Variants in EIF4B observed in about 807,000 individuals in gnomAD.
The protein encoded by EIF4B is eukaryotic translation initiation factor 4B.
EIF4B carries 8 observed loss-of-function variants against 79.3 expected under a neutral mutation model. That is an observed-to-expected ratio of 0.10 (90% CI 0.06 to 0.18). The LOEUF (loss-of-function observed/expected upper bound fraction) is 0.18. Ranked by LOEUF, EIF4B falls within the 10% of genes least tolerant of loss-of-function variation. The pLI is 1.00. For synonymous variants in EIF4B, 238 were observed against 274.7 expected (o/e 0.87, Z 1.32); for missense variants, 515 against 792.4 (o/e 0.65, Z 4.20).
At position 53,040,814 on chromosome 12, in the gene EIF4B, G is replaced by C. The variant is rs551286729; in HGVS notation, c.*591G>C. The C allele has an allele frequency of 6.6e-6, 1 of 152,106 alleles. No homozygotes were observed. The highest frequency in any genetic ancestry group is 1.9e-4 in the East Asian group (1 of 5,180). 9.4% of individuals were successfully genotyped at this position (152,106 alleles called of 1,614,324 possible). A position where few individuals can be genotyped will look rare whatever the true frequency, so the allele number is the denominator to read the frequency against. Reference sequence around the variant, plus strand: ...TTTTTTTTTTTTAACCCCCCAGGGGGGTAGTTGGGAGTGAGACTATAGGCC... The same window carrying C: ...TTTTTTTTTTTTAACCCCCCAGGGGCGTAGTTGGGAGTGAGACTATAGGCC... On this transcript the variant is annotated 3_prime_UTR_variant, in exon 15 of 15. Transcript: ENST00000262056.
chr12:53,039,103 GAAGT>G (rs1943587094), intron 12 of EIF4B, 131 bp from the exon 13 acceptor site: 2 of 609,076 alleles, frequency 3.3e-6, no homozygotes, highest in Admixed American at 6.3e-5. Context: ...CTTCAGGAAG[GAAGT>G]CTGGGTTGGG....
chr12:53,039,239 T>A lies in EIF4B; in HGVS notation c.1578T>A (p.Asp526Glu). 6.2e-7 allele frequency: 1 copy of A among 1,601,932 alleles called. No homozygotes were observed. Among genetic ancestry groups the A allele is most frequent in the Non-Finnish European group, 8.5e-7 (1 of 1,172,640 alleles). The change falls in exon 13 of 15, where the codon GAT (aspartate) becomes GAA (glutamate). Residue 526 changes from aspartate to glutamate, a missense_variant and splice_region_variant. Physicochemically the swap from Asp to Glu is conservative, Grantham distance 45. Transcript: ENST00000262056. ...QPSEEGPGRK[D>E]ENKVDGMNAP... ...TTGTTTACATTACTGCCCAAGCAGA[T>A]GAAAATAAAGTAGATGGGATGAATG...
chr12:53,016,483 G>A lies in EIF4B; in HGVS notation c.24G>A (p.Lys8=). Residue 8 remains lysine, a synonymous_variant, in exon 2 of 15, where the codon AAG becomes AAA. Coordinates refer to ENST00000262056, the MANE Select transcript of EIF4B (RefSeq NM_001417.7). MAASAKK[K]NKKGKTISLT... ...TGCCTTTTAAAACAGCAAAAAAGAA[G>A]AATAAGAAGGGGAAGACTATCTCCC... 1.2e-6 allele frequency: 2 copies of A among 1,612,262 alleles called. No homozygotes were observed. The highest frequency in any genetic ancestry group is 8.5e-7 in the Non-Finnish European group (1 of 1,179,820).
intron 2 of EIF4B, among the ~76,000 whole-genome samples, chr12:53,017,368 G>A (rs1027834938): frequency 3.3e-5 from 5 of 152,076 alleles, no homozygotes; most frequent in East Asian, 1.9e-4. Flanking sequence ...TTGGGTAAAC[G>A]AAAATGGTCT....
In EIF4B at chr12:53,023,715, C is replaced by G. The variant is rs185706256; in HGVS notation, c.667+1088C>G. Reference sequence around the variant, plus strand: ...TCTCCTGCCTCAGCCTCCCGAGTAGCTGGGATTACAGGCATGTGCCACCAT... The same window carrying G: ...TCTCCTGCCTCAGCCTCCCGAGTAGGTGGGATTACAGGCATGTGCCACCAT... On this transcript the variant is annotated intron_variant, in intron 6 of 14. Coordinates refer to ENST00000262056, the MANE Select transcript of EIF4B (RefSeq NM_001417.7). Among the ~76,000 whole-genome samples the G allele has an allele frequency of 2.6e-3, 391 of 151,046 alleles. 2 individuals are homozygous for G. Among genetic ancestry groups the G allele is most frequent in the South Asian group, 5.6e-3 (27 of 4,786 alleles).
chr12:53,012,215 A>ATTT (rs1229107409), intron 1 of EIF4B: 1 of 152,180 alleles, frequency 6.6e-6, no homozygotes, highest in African/African-American at 2.4e-5. Flanking sequence ...TGCTACAGTT[A>ATTT]AATAAGTTGA....
Position 53,006,502 on chromosome 12 carries a change from C to A in EIF4B, c.13+6C>A. ...TCCCAACATGGCGGCCTCAGGTGAGCGAGCAGCCGAGCGCGGCCAAGGACT... is the reference window on the plus strand; with the variant it reads ...TCCCAACATGGCGGCCTCAGGTGAGAGAGCAGCCGAGCGCGGCCAAGGACT... On this transcript the variant is annotated splice_donor_region_variant and intron_variant, in intron 1 of 14. Coordinates refer to ENST00000262056, the MANE Select transcript of EIF4B (RefSeq NM_001417.7). 3 of 1,613,514 alleles carry A rather than the reference C, an allele frequency of 1.9e-6. No individual in the cohort carries two copies. The highest frequency in any genetic ancestry group is 2.5e-6 in the Non-Finnish European group (3 of 1,180,026).
chr12:53,019,643 G>A lies in EIF4B; in HGVS notation c.361-267G>A, dbSNP rs1943215409. ...GGCCTCCCAAAGTGCTGGGACTACA[G>A]GCATGAGCCACTGCACCTGGCCTGA... On this transcript the variant is annotated intron_variant, in intron 3 of 14. Transcript: ENST00000262056. 2.7e-5 allele frequency among the ~76,000 whole-genome samples: 4 copies of A among 147,524 alleles called. No homozygotes were observed. In the South Asian group the frequency reaches 8.6e-4, roughly 32 times the overall value.
chr12:53,038,024 G>T, intron 11 of EIF4B: 1 of 264,112 alleles, frequency 3.8e-6, no homozygotes, highest in Non-Finnish European at 7.3e-6. Context: ...TCGGGAGGCT[G>T]AGGCAGGAGA....
At chr12:53,013,614 C>G (rs1334402486) in intron 1 of EIF4B, 1 of 151,970 alleles carries the variant, frequency 6.6e-6, no homozygotes, top group African/African-American at 2.4e-5. Context: ...TGGTGAAACC[C>G]CATCTCTACT....
At chr12:53,023,212 G>A (rs1380461360) in intron 6 of EIF4B, among the ~76,000 whole-genome samples, 1 of 152,172 alleles carries the variant, frequency 6.6e-6, no homozygotes, top group Non-Finnish European at 1.5e-5. Context: ...AGCATACAAA[G>A]ATCAGTTGCA....
At chr12:53,017,924 A>G (rs1244875766) in intron 2 of EIF4B, among the ~76,000 whole-genome samples, 1 of 152,192 alleles carries the variant, frequency 6.6e-6, no homozygotes, top group African/African-American at 2.4e-5. Flanking sequence ...CGTACTTCCC[A>G]TAGGTGTTGG....
At chr12:53,040,075 C>T in intron 14 of EIF4B, 68 bp from the exon 15 acceptor site, 1 of 1,564,192 alleles carries the variant, frequency 6.4e-7, no homozygotes, top group South Asian at 1.1e-5. Flanking sequence ...GGATCAGTAT[C>T]CTGTGTCTTG....
chr12:53,011,609 A>G (rs957378458), intron 1 of EIF4B, among the ~76,000 whole-genome samples: 2 of 152,236 alleles, frequency 1.3e-5, no homozygotes, highest in African/African-American at 4.8e-5. Context: ...CTAAGCTAAA[A>G]TATCAGCAGT....
chr12:53,008,523 T>C (rs1296786132), intron 1 of EIF4B: 2 of 152,212 alleles, frequency 1.3e-5, no homozygotes, highest in Non-Finnish European at 2.9e-5. Context: ...ATGTTATGTG[T>C]TCTGTGTGAA....
At chr12:53,025,845 C>T (rs1169646896) in intron 6 of EIF4B, among the ~76,000 whole-genome samples, 3 of 152,106 alleles carry the variant, frequency 2.0e-5, no homozygotes, top group African/African-American at 4.8e-5. Flanking sequence ...TGGTGGCTCA[C>T]GCCTGTAATC....
chr12:53,018,657 TA>T, intron 2 of EIF4B, 140 bp from the exon 3 acceptor site: 1 of 774,326 alleles, frequency 1.3e-6, no homozygotes. Flanking sequence ...AAAGTGCCCT[TA>T]TTACTGAACC....
intron 5 of EIF4B, 57 bp downstream of exon 5, chr12:53,021,917 A>G (rs1315157784): frequency 6.2e-7 from 1 of 1,604,956 alleles, no homozygotes; most frequent in Non-Finnish European, 8.5e-7. Context: ...ACACCAAGCC[A>G]TCCTTTCCCA....
intron 1 of EIF4B, among the ~76,000 whole-genome samples, chr12:53,011,125 G>C (rs1235607809): frequency 6.6e-6 from 1 of 152,020 alleles, no homozygotes; most frequent in Non-Finnish European, 1.5e-5. Flanking sequence ...AAATTAGCCA[G>C]GGGTGGTGGC....
Sources: gnomAD v4.1 joint callset for allele counts (sites outside exome capture counted in the v4.1 genomes callset) on GRCh38, gnomAD v4.1.1 for gene constraint, MANE v1.5 for transcripts, NCBI Gene and HGNC (gene_info 2026-07-23, HGNC 2026-07-21) for gene names.